The following DOCK4 variants were observed in gnomAD, a reference collection of about 807,000 sequenced individuals.
DOCK4 encodes dedicator of cytokinesis protein 4.
A neutral mutation model predicts 268.1 loss-of-function variants in DOCK4; 97 were observed. The observed-to-expected ratio is 0.36, with a 90% confidence interval of 0.31 to 0.43. The LOEUF (loss-of-function observed/expected upper bound fraction) is 0.43, where lower values mean the gene tolerates loss of function less well. Among genes scored for constraint, DOCK4 ranks in the 20% least tolerant of loss-of-function variants. The pLI is 1.00. For missense variants in DOCK4, 2,145 were observed against 2,455.7 expected (o/e 0.87, Z 2.67); for synonymous variants, 954 against 887.2 (o/e 1.08, Z -1.34).
chr7:111,899,041 A>T (rs867734896), intron 15 of DOCK4, among the ~76,000 whole-genome samples: 5 of 152,306 alleles, frequency 3.3e-5, no homozygotes, highest in Middle Eastern at 3.4e-3. Context: ...GTATGGCACC[A>T]TTCTAAGTCC....
At chr7:111,871,595 T>TGAAG (rs1806434943) in intron 20 of DOCK4, among the ~76,000 whole-genome samples, 2 of 152,186 alleles carry the variant, frequency 1.3e-5, no homozygotes, top group East Asian at 3.9e-4. Flanking sequence ...TCAGCAGGTG[T>TGAAG]GAAGGAAAAG....
chr7:112,076,146 C>A (rs1243692436), intron 1 of DOCK4, among the ~76,000 whole-genome samples: 3 of 152,052 alleles, frequency 2.0e-5, no homozygotes, highest in African/African-American at 7.2e-5. Context: ...CTACAGGAAA[C>A]TATTTTGTTG....
intron 13 of DOCK4, among the ~76,000 whole-genome samples, chr7:111,911,133 C>T (rs1792062820): frequency 6.6e-6 from 1 of 152,158 alleles, no homozygotes; most frequent in South Asian, 2.1e-4. Context: ...TGTGCCTCAC[C>T]TGTTTTGACC....
At chr7:111,983,863 C>CACACACACAGAG (rs1562961266) in intron 7 of DOCK4, among the ~76,000 whole-genome samples, 2 of 75,378 alleles carry the variant, frequency 2.7e-5, no homozygotes, top group African/African-American at 1.1e-4. Flanking sequence ...CGCGCGCGCG[C>CACACACACAGAG]ACACACACAC....
At chr7:111,825,014 T>C (rs1414623813) in intron 26 of DOCK4, among the ~76,000 whole-genome samples, 2 of 152,194 alleles carry the variant, frequency 1.3e-5, no homozygotes, top group African/African-American at 4.8e-5. Flanking sequence ...AAAACCTAGA[T>C]TTTAAATCCT....
intron 1 of DOCK4, among the ~76,000 whole-genome samples, chr7:112,138,780 G>A (rs1284253575): frequency 6.6e-6 from 1 of 152,104 alleles, no homozygotes; most frequent in Admixed American, 6.6e-5. Context: ...GGTCCTGAGG[G>A]TGGGGCCCCG....
intron 1 of DOCK4, among the ~76,000 whole-genome samples, chr7:112,147,565 C>T (rs1469864678): frequency 2.0e-5 from 3 of 152,104 alleles, no homozygotes; most frequent in Non-Finnish European, 4.4e-5. Context: ...CTCAAAATAC[C>T]CTCAAAGGTA....
chr7:112,104,797 C>A (rs922272589), intron 1 of DOCK4, among the ~76,000 whole-genome samples: 10 of 151,938 alleles, frequency 6.6e-5, no homozygotes, highest in African/African-American at 2.4e-4. Context: ...GCTTCAACAA[C>A]AAATACTTAT....
intron 12 of DOCK4, among the ~76,000 whole-genome samples, chr7:111,917,583 G>GTA (rs1792719044): frequency 1.3e-5 from 2 of 151,870 alleles, no homozygotes; most frequent in African/African-American, 4.8e-5. Flanking sequence ...GCAGGTGCCT[G>GTA]TAGTCCCAGC....
intron 1 of DOCK4, among the ~76,000 whole-genome samples, chr7:112,190,549 T>G (rs1400290894): frequency 6.6e-6 from 1 of 151,914 alleles, no homozygotes; most frequent in Non-Finnish European, 1.5e-5. Context: ...AGTGGTTCCA[T>G]AGGATGGAGG....
At chr7:111,898,028 A>G (rs919387181) in intron 15 of DOCK4, among the ~76,000 whole-genome samples, 1 of 152,198 alleles carries the variant, frequency 6.6e-6, no homozygotes, top group East Asian at 1.9e-4. Context: ...GACTAAAAAA[A>G]GCTTCCCAAA....
intron 1 of DOCK4, among the ~76,000 whole-genome samples, chr7:112,054,002 G>A (rs1322759986): frequency 6.6e-6 from 1 of 152,144 alleles, no homozygotes; most frequent in Non-Finnish European, 1.5e-5. Context: ...ACTCCTCTGA[G>A]AAGAGCAGGG....
At chr7:112,139,268 C>T (rs1180918911) in intron 1 of DOCK4, among the ~76,000 whole-genome samples, 1 of 152,122 alleles carries the variant, frequency 6.6e-6, no homozygotes, top group Admixed American at 6.6e-5. Flanking sequence ...AAAAAAGCTA[C>T]TTCAAGTAGC....
At chr7:111,915,688 T>C (rs1032771965) in intron 13 of DOCK4, 91 bp downstream of exon 13, 24 of 1,435,984 alleles carry the variant, frequency 1.7e-5, no homozygotes, top group Non-Finnish European at 2.3e-5. Flanking sequence ...ATGTGAATGC[T>C]TCAAAGCTGG....
chr7:112,064,482 C>A (rs1452489833), intron 1 of DOCK4, among the ~76,000 whole-genome samples: 2 of 152,186 alleles, frequency 1.3e-5, no homozygotes, highest in Non-Finnish European at 2.9e-5. Context: ...TACAATTCCT[C>A]CATCTGTATT....
chr7:111,926,531 G>A (rs992406314), intron 12 of DOCK4, among the ~76,000 whole-genome samples: 1 of 147,356 alleles, frequency 6.8e-6, no homozygotes. Flanking sequence ...GAAAGAAAAA[G>A]AGAAAGAGAA....
At position 112,206,286 on chromosome 7, in the gene DOCK4, A is replaced by G. The variant is rs1821402333; in HGVS notation, c.-148T>C. The stretch of plus-strand genomic sequence containing the variant: ...GGGCGCTGGGCAGGATCTGCGCTGG[A>G]GGCTCCCGAGCCCAGCGTTGACACT... On this transcript the variant is annotated 5_prime_UTR_variant, in exon 1 of 53. Transcript: ENST00000428084. 2 of 846,232 alleles carry G rather than the reference A, an allele frequency of 2.4e-6. No homozygotes were observed. The highest frequency in any genetic ancestry group is 3.7e-6 in the Non-Finnish European group (2 of 547,760). 52.4% of individuals were successfully genotyped at this position (846,232 alleles called of 1,614,324 possible).
At chr7:112,157,523 G>A (rs1020065657) in intron 1 of DOCK4, among the ~76,000 whole-genome samples, 5 of 152,122 alleles carry the variant, frequency 3.3e-5, no homozygotes, top group Non-Finnish European at 5.9e-5. Flanking sequence ...GAAATCTGTG[G>A]TCAAATAATT....
At chr7:112,089,228 T>C (rs1218026307) in intron 1 of DOCK4, among the ~76,000 whole-genome samples, 1 of 152,166 alleles carries the variant, frequency 6.6e-6, no homozygotes, top group Non-Finnish European at 1.5e-5. Context: ...AGAAGGTTGA[T>C]GCCTGAAACT....
Sources: allele counts gnomAD v4.1 joint callset (sites outside exome capture counted in the v4.1 genomes callset), GRCh38; gene constraint gnomAD v4.1.1; transcripts MANE v1.5; gene names NCBI Gene and HGNC (gene_info 2026-07-23, HGNC 2026-07-21).